The following EDAR variants were observed in gnomAD, a reference collection of about 807,000 sequenced individuals.
EDAR encodes the protein tumor necrosis factor receptor superfamily member EDAR.
EDAR carries 38 observed loss-of-function variants against 51.3 expected under a neutral mutation model. The ratio of observed to expected loss-of-function variants is 0.74; its 90% CI spans 0.57 to 0.97. EDAR has a LOEUF of 0.97. Among genes scored for constraint, EDAR ranks in the 50% least tolerant of loss-of-function variants. The pLI is 0.00. For missense variants in EDAR, 528 were observed against 595.0 expected, an observed-to-expected ratio of 0.89 and a Z score of 1.17; for synonymous variants, 227 against 242.1, an observed-to-expected ratio of 0.94 and a Z score of 0.58.
intron 4 of EDAR, among the ~76,000 whole-genome samples, chr2:108,927,215 C>T (rs1188965787): frequency 1.3e-5 from 2 of 152,324 alleles, no homozygotes; most frequent in South Asian, 4.1e-4. Flanking sequence ...CCCTTGCCTG[C>T]CCAGCAGGTG....
chr2:108,905,610 G>C (rs1276249247), intron 11 of EDAR, among the ~76,000 whole-genome samples: 1 of 152,154 alleles, frequency 6.6e-6, no homozygotes, highest in East Asian at 1.9e-4. Flanking sequence ...TGCCCGGCCA[G>C]ATCAAGGAGT....
rs116706624 is a variant in EDAR at position 108,920,378 on chromosome 2, G to A, written c.442+2990C>T. Among the ~76,000 whole-genome samples, 712 of 152,262 alleles carry A rather than the reference G, an allele frequency of 4.7e-3. 5 individuals are homozygous for A. The highest frequency in any genetic ancestry group is 0.016 in the African/African-American group (657 of 41,538). On this transcript the variant is annotated intron_variant, in intron 5 of 11. Transcript: ENST00000258443. ...TTCCTCTCTGTTACGGCAGGGCAAC[G>A]GGTTGACCTCCCTGCCCCCACTGTC...
intron 5 of EDAR, among the ~76,000 whole-genome samples, chr2:108,916,002 C>T (rs979269285): frequency 1.3e-5 from 2 of 152,234 alleles, no homozygotes; most frequent in African/African-American, 4.8e-5. Flanking sequence ...AGCGTTCCCC[C>T]TCACAGACCT....
At chr2:108,923,769 C>T (rs934194350) in intron 4 of EDAR, among the ~76,000 whole-genome samples, 3 of 152,232 alleles carry the variant, frequency 2.0e-5, no homozygotes, top group Admixed American at 1.3e-4. Context: ...TATCCCTGTG[C>T]CCCCACATGT....
chr2:108,925,482 G>A (rs1697235689), intron 4 of EDAR, among the ~76,000 whole-genome samples: 1 of 152,206 alleles, frequency 6.6e-6, no homozygotes, highest in Non-Finnish European at 1.5e-5. Context: ...TCTGTCCCAC[G>A]ACTGTGTCTT....
intron 1 of EDAR, among the ~76,000 whole-genome samples, chr2:108,961,344 G>A (rs1395696851): frequency 6.6e-6 from 1 of 152,162 alleles, no homozygotes. Flanking sequence ...CACCAGTCTA[G>A]GCTGACCTCC....
chr2:108,945,740 C>CT (rs1035885362), intron 1 of EDAR, among the ~76,000 whole-genome samples: 11 of 152,190 alleles, frequency 7.2e-5, no homozygotes, highest in African/African-American at 2.4e-4. Flanking sequence ...AAAGGAAAGA[C>CT]TTTCTGACAC....
chr2:108,908,412 C>A (rs1172304709), intron 9 of EDAR, among the ~76,000 whole-genome samples: 3 of 152,224 alleles, frequency 2.0e-5, no homozygotes, highest in Admixed American at 1.3e-4. Context: ...CAACTGGTGT[C>A]TTCATGTTAA....
At chr2:108,939,601 A>C (rs1205679441) in intron 1 of EDAR, among the ~76,000 whole-genome samples, 10 of 149,840 alleles carry the variant, frequency 6.7e-5, no homozygotes, top group African/African-American at 2.4e-4. Context: ...GAGGAGGAGA[A>C]CATGTCCCGT....
Position 108,932,212 on chromosome 2 carries a change from A to T in EDAR, c.-18-1180T>A, listed in dbSNP as rs41427644. On this transcript the variant is annotated intron_variant, in intron 1 of 11. Coordinates refer to ENST00000258443, the MANE Select transcript of EDAR (RefSeq NM_022336.4). ...AGCCTAAAGGCATTAGGTAGAAATT[A>T]GCGAAAGATTATTGGAAATAAATTA... is the stretch of plus-strand genomic sequence containing the variant. Among the ~76,000 whole-genome samples, 317 of 152,272 alleles carry T rather than the reference A, an allele frequency of 2.1e-3. 2 individuals are homozygous for T. Among genetic ancestry groups the T allele is most frequent in the African/African-American group, 7.4e-3 (306 of 41,546 alleles).
intron 1 of EDAR, among the ~76,000 whole-genome samples, chr2:108,957,686 C>T (rs1296355851): frequency 6.6e-6 from 1 of 152,218 alleles, no homozygotes; most frequent in African/African-American, 2.4e-5. Flanking sequence ...TGTCCAAACC[C>T]CATCCTTCAC....
At chr2:108,919,245 A>G (rs536614604) in intron 5 of EDAR, among the ~76,000 whole-genome samples, 1 of 152,298 alleles carries the variant, frequency 6.6e-6, no homozygotes, top group South Asian at 2.1e-4. Context: ...AGTAGCAGAG[A>G]TTTCTCCAAA....
intron 1 of EDAR, among the ~76,000 whole-genome samples, chr2:108,973,762 C>T (rs116754824): frequency 0.019 from 2,953 of 152,334 alleles, 59 homozygotes; most frequent in Admixed American, 0.03. Context: ...AGCTTGGCTT[C>T]CATCTCACAA....
chr2:108,985,263 G>A (rs1442735901), intron 1 of EDAR, among the ~76,000 whole-genome samples: 2 of 152,140 alleles, frequency 1.3e-5, no homozygotes, highest in Non-Finnish European at 2.9e-5. Flanking sequence ...CTACACTGCG[G>A]GCCTCAGGGC....
At chr2:108,907,502 G>T (rs1408921395) in intron 10 of EDAR, among the ~76,000 whole-genome samples, 1 of 152,032 alleles carries the variant, frequency 6.6e-6, no homozygotes, top group East Asian at 1.9e-4. Context: ...AAAAAAATTA[G>T]CTGGGTGTGG....
chr2:108,988,069 C>A (rs774299160), intron 1 of EDAR, among the ~76,000 whole-genome samples: 3 of 152,190 alleles, frequency 2.0e-5, no homozygotes, highest in Non-Finnish European at 4.4e-5. Context: ...GACGGTGGTG[C>A]TCCTGTCTCT....
At chr2:108,977,990 T>A (rs1431894698) in intron 1 of EDAR, among the ~76,000 whole-genome samples, 3 of 152,254 alleles carry the variant, frequency 2.0e-5, no homozygotes, top group African/African-American at 7.2e-5. Context: ...GAGCTTCTAT[T>A]CTCGTAGAGG....
chr2:108,901,012 A>T (rs1002355705), intron 11 of EDAR, among the ~76,000 whole-genome samples: 48 of 152,324 alleles, frequency 3.2e-4, no homozygotes, highest in African/African-American at 1.1e-3. Context: ...AGAATATAGA[A>T]CTTACCAACA....
In EDAR at chr2:108,940,157, G is replaced by A. The variant is rs570025126; in HGVS notation, c.-18-9125C>T. 3.3e-5 allele frequency: 5 copies of A among 152,398 alleles called. No individual in the cohort carries two copies. In the East Asian group the frequency reaches 9.6e-4, roughly 29 times the overall value. The allele number at this position is 152,398 out of a possible 1,614,324, so 9.4% of individuals were successfully genotyped here. A position where few individuals can be genotyped will look rare whatever the true frequency, so the allele number is the denominator to read the frequency against. On this transcript the variant is annotated intron_variant, in intron 1 of 11. Coordinates refer to ENST00000258443, the MANE Select transcript of EDAR (RefSeq NM_022336.4). ...GATCAATAGAGTCTAAAATAGCACA[G>A]AGCTGCCGCAGGCAATGACGTGAAG...
Sources: allele counts gnomAD v4.1 joint callset (sites outside exome capture counted in the v4.1 genomes callset), GRCh38; gene constraint gnomAD v4.1.1; transcripts MANE v1.5; gene names NCBI Gene and HGNC (gene_info 2026-07-23, HGNC 2026-07-21).